Variants in ANXA8 observed in about 807,000 individuals in gnomAD.
The protein encoded by ANXA8 is VAC-beta.
In ANXA8, 9 loss-of-function variants were observed where a neutral mutation model predicts 26.8. The observed-to-expected ratio is 0.34, with a 90% CI of 0.20 to 0.59. The LOEUF (loss-of-function observed/expected upper bound fraction) is 0.59. ANXA8 is among the 20% of genes least tolerant of loss of function. The probability of loss-of-function intolerance (pLI) is 0.84; values close to 1 mark genes in which losing one functional copy is unlikely to be tolerated. For missense variants in ANXA8, 83 were observed against 238.5 expected (o/e 0.35, Z 4.29); for synonymous variants, 39 against 94.8 (o/e 0.41, Z 3.42).
At chr10:47,533,225 C>CACACACACATACACACA in the ANXA8 span, among the ~76,000 whole-genome samples, 167 of 98,466 alleles carry the variant, frequency 1.7e-3, 3 homozygotes, top group African/African-American at 5.6e-3. Flanking sequence ...ACACACACAC[C>CACACACACATACACACA]CCCGCAGACA....
At chr10:47,976,718 G>A in the ANXA8 span, among the ~76,000 whole-genome samples, 727 of 148,966 alleles carry the variant, frequency 4.9e-3, no homozygotes, top group African/African-American at 0.017. Flanking sequence ...CCTGGAAAAG[G>A]CACATTCCCA....
the ANXA8 span, among the ~76,000 whole-genome samples, chr10:47,593,573 T>C: frequency 4.0e-5 from 6 of 149,650 alleles, no homozygotes; most frequent in Non-Finnish European, 1.5e-5. Flanking sequence ...TATACCATCA[T>C]ATAAAAATAC....
chr10:47,986,307 T>C, the ANXA8 span: 1 of 176,296 alleles, frequency 5.7e-6, no homozygotes, highest in African/African-American at 2.4e-5. Context: ...TTGTGAATAG[T>C]TTACCCAAGC....
chr10:47,949,332 C>A, the ANXA8 span, among the ~76,000 whole-genome samples: 1 of 149,354 alleles, frequency 6.7e-6, no homozygotes, highest in Admixed American at 6.7e-5. Context: ...CCACTGGATA[C>A]TCCTAATCAA....
chr10:47,960,280 G>C, the ANXA8 span, among the ~76,000 whole-genome samples: 1 of 146,674 alleles, frequency 6.8e-6, no homozygotes, highest in Non-Finnish European at 1.5e-5. Flanking sequence ...TGCCAAAATA[G>C]GAATCTGCAC....
the ANXA8 span, among the ~76,000 whole-genome samples, chr10:47,657,156 G>C: frequency 6.6e-6 from 1 of 151,280 alleles, no homozygotes; most frequent in Admixed American, 6.6e-5. Flanking sequence ...CATTACATTT[G>C]AGTTACTAAA....
At chr10:47,706,221 C>G in the ANXA8 span, 1 of 637,042 alleles carries the variant, frequency 1.6e-6, no homozygotes, top group Admixed American at 3.4e-5. Context: ...GTCAAAGTCC[C>G]GGAAGATCGC....
At chr10:47,748,492 C>T in the ANXA8 span, among the ~76,000 whole-genome samples, 15 of 152,092 alleles carry the variant, frequency 9.9e-5, no homozygotes, top group East Asian at 1.4e-3. Flanking sequence ...GGATTATAGG[C>T]GTGAGCCACC....
At chr10:47,510,779 G>A in the ANXA8 span, among the ~76,000 whole-genome samples, 2 of 105,044 alleles carry the variant, frequency 1.9e-5, 1 homozygote, top group Non-Finnish European at 3.6e-5. Flanking sequence ...GCAGTGAGCC[G>A]AGTTCGCGCC....
chr10:47,587,362 C>G, the ANXA8 span, among the ~76,000 whole-genome samples: 2 of 148,494 alleles, frequency 1.3e-5, no homozygotes, highest in South Asian at 4.1e-4. Context: ...TTGGGGGTAT[C>G]GTTCTAACTT....
chr10:47,948,785 G>A, the ANXA8 span, among the ~76,000 whole-genome samples: 1 of 151,014 alleles, frequency 6.6e-6, no homozygotes, highest in Non-Finnish European at 1.5e-5. Context: ...AGCAAGATAA[G>A]CACAAAGAAA....
the ANXA8 span, among the ~76,000 whole-genome samples, chr10:47,720,884 T>A: frequency 1.4e-5 from 2 of 139,952 alleles, 1 homozygote; most frequent in South Asian, 4.5e-4. Context: ...TGGTGGCTCA[T>A]GCCTGTAATC....
the ANXA8 span, among the ~76,000 whole-genome samples, chr10:47,525,738 T>C: frequency 7.5e-6 from 1 of 133,134 alleles, no homozygotes; most frequent in Admixed American, 7.8e-5. Context: ...TGTAGATGTA[T>C]AGAAATACAA....
chr10:47,942,837 G>C, the ANXA8 span, among the ~76,000 whole-genome samples: 5 of 145,722 alleles, frequency 3.4e-5, no homozygotes, highest in Non-Finnish European at 5.9e-5. Context: ...TGCTAAGGCA[G>C]AGGGAGCCTT....
At chr10:47,968,603 C>T in the ANXA8 span, among the ~76,000 whole-genome samples, 2 of 140,878 alleles carry the variant, frequency 1.4e-5, no homozygotes, top group Admixed American at 1.5e-4. Flanking sequence ...CCAAAGTTTC[C>T]AGAACCACTT....
chr10:47,975,248 A>T, the ANXA8 span, among the ~76,000 whole-genome samples: 33 of 149,628 alleles, frequency 2.2e-4, no homozygotes, highest in African/African-American at 7.8e-4. Context: ...AAGGATTCTG[A>T]ATTCTTAACT....
At chr10:47,555,260 G>A in the ANXA8 span, among the ~76,000 whole-genome samples, 1 of 151,704 alleles carries the variant, frequency 6.6e-6, no homozygotes, top group Non-Finnish European at 1.5e-5. Context: ...CAGCACCTAA[G>A]GAAGTATTTC....
the ANXA8 span, among the ~76,000 whole-genome samples, chr10:47,655,969 G>A: frequency 0.022 from 3,318 of 151,838 alleles, 72 homozygotes; most frequent in African/African-American, 0.075. Context: ...TCGGTGAGCC[G>A]AGATTGCACC....
the ANXA8 span, among the ~76,000 whole-genome samples, chr10:47,495,289 A>ATTATTATTAT: frequency 2.1e-4 from 21 of 100,540 alleles, no homozygotes; most frequent in East Asian, 6.7e-4. Flanking sequence ...TATTATTATT[A>ATTATTATTAT]TTATTATTAT....
Sources: allele counts gnomAD v4.1 joint callset (sites outside exome capture counted in the v4.1 genomes callset), GRCh38; gene constraint gnomAD v4.1.1; transcripts MANE v1.5; gene names NCBI Gene and HGNC (gene_info 2026-07-23, HGNC 2026-07-21).